Variants in TULP4 observed in about 807,000 individuals in gnomAD.
TULP4 encodes TUB like protein 4.
In TULP4, 16 loss-of-function variants were observed where a neutral mutation model predicts 129.0. That is an observed-to-expected ratio of 0.12 (90% confidence interval 0.08 to 0.19). The LOEUF (loss-of-function observed/expected upper bound fraction) is 0.19, where lower values mean the gene tolerates loss of function less well. Ranked by LOEUF, TULP4 falls within the 10% of genes least tolerant of loss-of-function variation. The pLI is 1.00. For synonymous variants in TULP4, 998 were observed against 854.0 expected (o/e 1.17, Z -2.94); for missense variants, 1,842 against 2,059.1 (o/e 0.89, Z 2.04).
At chr6:158,439,588 T>C (rs1439821947) in intron 3 of TULP4, among the ~76,000 whole-genome samples, 1 of 152,148 alleles carries the variant, frequency 6.6e-6, no homozygotes, top group Non-Finnish European at 1.5e-5. Flanking sequence ...AAGATTGTGA[T>C]TATAGGCACT....
At chr6:158,271,435 A>ATT (rs11353069) in intron 1 of TULP4, among the ~76,000 whole-genome samples, 287 of 143,282 alleles carry the variant, frequency 2.0e-3, no homozygotes, top group Admixed American at 3.7e-3. Flanking sequence ...CCATTTTAGA[A>ATT]TTTTTTTTTT....
chr6:158,311,025 G>C (rs1483869543), upstream of TULP4, among the ~76,000 whole-genome samples: 1 of 151,720 alleles, frequency 6.6e-6, no homozygotes, highest in East Asian at 1.9e-4. Flanking sequence ...CTTGATTAGT[G>C]TTAAAGAGCT....
chr6:158,278,747 T>G (rs1778688860), upstream of TULP4, among the ~76,000 whole-genome samples: 1 of 152,162 alleles, frequency 6.6e-6, no homozygotes, highest in African/African-American at 2.4e-5. Flanking sequence ...ATTTTTCCCC[T>G]TTAAGCATCT....
intron 1 of TULP4, among the ~76,000 whole-genome samples, chr6:158,316,751 A>G (rs888267104): frequency 2.0e-5 from 3 of 152,156 alleles, no homozygotes; most frequent in African/African-American, 7.2e-5. Context: ...CCAGGCTGGG[A>G]AACGTGGTAC....
chr6:158,336,443 A>C (rs957825412), intron 1 of TULP4, among the ~76,000 whole-genome samples: 1 of 152,152 alleles, frequency 6.6e-6, no homozygotes, highest in African/African-American at 2.4e-5. Context: ...TATCTAGTCA[A>C]ATTTGTCAGT....
At chr6:158,363,712 C>G (rs1338077702) in intron 1 of TULP4, among the ~76,000 whole-genome samples, 1 of 152,102 alleles carries the variant, frequency 6.6e-6, no homozygotes, top group East Asian at 1.9e-4. Context: ...TCCTGAACTC[C>G]TGACCTCAGG....
intron 6 of TULP4, among the ~76,000 whole-genome samples, chr6:158,475,630 G>A (rs1463508797): frequency 1.3e-5 from 2 of 152,204 alleles, no homozygotes; most frequent in Non-Finnish European, 2.9e-5. Flanking sequence ...TCTTAGGGAG[G>A]AGGTACCTTC....
chr6:158,356,601 G>T (rs943430509), intron 1 of TULP4, among the ~76,000 whole-genome samples: 3 of 152,128 alleles, frequency 2.0e-5, no homozygotes, highest in African/African-American at 7.2e-5. Context: ...GGTGGTTGGG[G>T]CTTAGGTGGT....
intron 2 of TULP4, among the ~76,000 whole-genome samples, chr6:158,417,394 CA>C (rs1291230979): frequency 6.6e-6 from 1 of 152,234 alleles, no homozygotes; most frequent in Non-Finnish European, 1.5e-5. Flanking sequence ...CCCAGAATCT[CA>C]TAAATGCCTG....
At chr6:158,239,649 C>A (rs1217861006) in intron 1 of TULP4, among the ~76,000 whole-genome samples, 3 of 70,490 alleles carry the variant, frequency 4.3e-5, no homozygotes, top group East Asian at 5.9e-4. Context: ...CTGACCCCCC[C>A]ACCTCCCTCC....
At chr6:158,469,377 G>C (rs576104867) in intron 6 of TULP4, among the ~76,000 whole-genome samples, 1 of 151,840 alleles carries the variant, frequency 6.6e-6, no homozygotes, top group African/African-American at 2.4e-5. Context: ...GGGTTCAAGC[G>C]ATTCTCCCAC....
chr6:158,460,038 G>C (rs772613517), intron 5 of TULP4, among the ~76,000 whole-genome samples: 18 of 152,150 alleles, frequency 1.2e-4, no homozygotes, highest in Admixed American at 3.3e-4. Flanking sequence ...GATTGTGGCA[G>C]GTTTTTTTCC....
At chr6:158,348,967 G>A (rs1234144176) in intron 1 of TULP4, among the ~76,000 whole-genome samples, 8 of 131,772 alleles carry the variant, frequency 6.1e-5, no homozygotes, top group African/African-American at 1.5e-4. Context: ...GGGCAGAGGC[G>A]CTCCCCATTT....
At chr6:158,487,467 C>T (rs1031974806) in intron 8 of TULP4, among the ~76,000 whole-genome samples, 1 of 152,146 alleles carries the variant, frequency 6.6e-6, no homozygotes, top group Non-Finnish European at 1.5e-5. Context: ...ACAAAGCCTT[C>T]AACCCAGAAG....
chr6:158,380,097 G>T (rs1472721448), intron 1 of TULP4, among the ~76,000 whole-genome samples: 2 of 152,110 alleles, frequency 1.3e-5, no homozygotes, highest in African/African-American at 4.8e-5. Flanking sequence ...TAAAGATGCT[G>T]CCTAGGTCCG....
In TULP4 at chr6:158,459,355, A is replaced by C. The variant is rs1040406574; in HGVS notation, c.860-2208A>C. ...TGAGGCAGGAGAATCGCTTGAACCCAGGAGGCGGAGGTTGCAGTGAGCCGA... is the reference window on the plus strand; with the variant it reads ...TGAGGCAGGAGAATCGCTTGAACCCCGGAGGCGGAGGTTGCAGTGAGCCGA... On this transcript the variant is annotated intron_variant, in intron 5 of 13. Transcript: ENST00000367097. 1.5e-4 allele frequency among the ~76,000 whole-genome samples: 23 copies of C among 151,910 alleles called. 1 individual carries two copies. Among genetic ancestry groups the C allele is most frequent in the South Asian group, 1.0e-3 (5 of 4,814 alleles).
chr6:158,347,029 C>A (rs893130449), intron 1 of TULP4, among the ~76,000 whole-genome samples: 1 of 152,048 alleles, frequency 6.6e-6, no homozygotes, highest in African/African-American at 2.4e-5. Context: ...TTTTGTTGTG[C>A]TTTTTTCTAA....
chr6:158,381,106 C>T (rs1005923264), intron 1 of TULP4, among the ~76,000 whole-genome samples: 9 of 149,070 alleles, frequency 6.0e-5, no homozygotes, highest in Non-Finnish European at 1.3e-4. Context: ...GGCTCTGATT[C>T]TTGGTGATTT....
At chr6:158,295,476 T>TA (rs146813318) in intron 1 of TULP4, among the ~76,000 whole-genome samples, 26,146 of 148,272 alleles carry the variant, frequency 0.18, 2,661 homozygotes, top group Middle Eastern at 0.25. Context: ...ATTCTCAAAT[T>TA]AAAAAAAAAA....
Sources: allele counts gnomAD v4.1 joint callset (sites outside exome capture counted in the v4.1 genomes callset), GRCh38; gene constraint gnomAD v4.1.1; transcripts MANE v1.5; gene names NCBI Gene and HGNC (gene_info 2026-07-23, HGNC 2026-07-21).